Variants in TTC28 observed in about 807,000 individuals in gnomAD.
TTC28 encodes tetratricopeptide repeat protein 28.
In TTC28, 61 loss-of-function variants were observed where a neutral mutation model predicts 198.0. The observed-to-expected ratio is 0.31, with a 90% CI of 0.25 to 0.38. The LOEUF (loss-of-function observed/expected upper bound fraction) is 0.38, where lower values mean the gene tolerates loss of function less well. Among genes scored for constraint, TTC28 ranks in the 10% least tolerant of loss-of-function variants. The probability of loss-of-function intolerance (pLI) is 1.00; values close to 1 mark genes in which losing one functional copy is unlikely to be tolerated. For synonymous variants in TTC28, 1,171 were observed against 1,297.8 expected (o/e 0.90, Z 2.10); for missense variants, 2,678 against 3,164.0 (o/e 0.85, Z 3.69).
At chr22:28,280,291 C>A (rs981190391) in intron 5 of TTC28, among the ~76,000 whole-genome samples, 1 of 151,418 alleles carries the variant, frequency 6.6e-6, no homozygotes, top group Non-Finnish European at 1.5e-5. Context: ...ATTAGCCATA[C>A]GCATTTTTAA....
chr22:28,439,719 C>T (rs1050761842), intron 2 of TTC28, among the ~76,000 whole-genome samples: 2 of 152,098 alleles, frequency 1.3e-5, no homozygotes, highest in African/African-American at 4.8e-5. Context: ...AAAATTATAG[C>T]TGTTTATTTG....
chr22:28,291,037 A>G (rs2044779317), intron 5 of TTC28, among the ~76,000 whole-genome samples: 1 of 152,170 alleles, frequency 6.6e-6, no homozygotes, highest in Non-Finnish European at 1.5e-5. Context: ...ATGGAGAGAC[A>G]GACCAGGCAA....
intron 22 of TTC28, among the ~76,000 whole-genome samples, chr22:27,984,150 C>T (rs979326927): frequency 1.3e-5 from 2 of 152,088 alleles, no homozygotes; most frequent in African/African-American, 2.4e-5. Context: ...ACCCTGTATC[C>T]GCCTTCCTCT....
chr22:28,150,191 A>T (rs1235732913), intron 6 of TTC28, among the ~76,000 whole-genome samples: 1 of 152,194 alleles, frequency 6.6e-6, no homozygotes, highest in East Asian at 1.9e-4. Flanking sequence ...CATAAAGTTG[A>T]GGACAGCTAT....
chr22:28,333,028 G>A (rs962520043), intron 2 of TTC28, among the ~76,000 whole-genome samples: 1 of 152,110 alleles, frequency 6.6e-6, no homozygotes, highest in Non-Finnish European at 1.5e-5. Context: ...TGAAATTCAA[G>A]TGCTTACACT....
intron 2 of TTC28, among the ~76,000 whole-genome samples, chr22:28,334,519 T>C (rs1294591331): frequency 6.6e-6 from 1 of 152,196 alleles, no homozygotes; most frequent in African/African-American, 2.4e-5. Context: ...ACCTGTTGTT[T>C]CCTGACTTTT....
At chr22:28,657,246 G>A (rs1031545333) in intron 1 of TTC28, among the ~76,000 whole-genome samples, 5 of 152,162 alleles carry the variant, frequency 3.3e-5, no homozygotes, top group African/African-American at 4.8e-5. Context: ...CACTACATAC[G>A]CCTCAATGCC....
chr22:28,532,948 T>C (rs1426464932), intron 2 of TTC28, among the ~76,000 whole-genome samples: 1 of 152,224 alleles, frequency 6.6e-6, no homozygotes, highest in Non-Finnish European at 1.5e-5. Context: ...ACAGCCAATG[T>C]CATACTGAAT....
chr22:28,677,598 C>G (rs994485617), intron 1 of TTC28, among the ~76,000 whole-genome samples: 2 of 144,602 alleles, frequency 1.4e-5, no homozygotes, highest in Non-Finnish European at 3.0e-5. Flanking sequence ...GAGATCATGC[C>G]ACAGCACTCC....
At chr22:28,312,108 G>C (rs997598700) in intron 2 of TTC28, among the ~76,000 whole-genome samples, 2 of 149,964 alleles carry the variant, frequency 1.3e-5, no homozygotes, top group African/African-American at 4.9e-5. Context: ...AAGATCAAAA[G>C]AGACAAAGAA....
At chr22:28,012,172 T>C (rs1040295431) in intron 14 of TTC28, among the ~76,000 whole-genome samples, 2 of 152,152 alleles carry the variant, frequency 1.3e-5, no homozygotes, top group Non-Finnish European at 2.9e-5. Context: ...GGAGCTAGGT[T>C]TATATTTCTT....
chr22:28,085,938 G>A (rs1449929985), intron 12 of TTC28, among the ~76,000 whole-genome samples: 3 of 151,880 alleles, frequency 2.0e-5, no homozygotes, highest in Admixed American at 6.6e-5. Flanking sequence ...ATGGTAAAGG[G>A]ATCAATTCAA....
chr22:28,602,573 T>C (rs894011383), intron 2 of TTC28, among the ~76,000 whole-genome samples: 2 of 152,178 alleles, frequency 1.3e-5, no homozygotes, highest in Non-Finnish European at 2.9e-5. Context: ...AAAAGAATTA[T>C]AGGACAAACA....
chr22:28,152,181 T>C (rs531946306), intron 6 of TTC28, among the ~76,000 whole-genome samples: 2 of 152,312 alleles, frequency 1.3e-5, no homozygotes, highest in Admixed American at 6.5e-5. Context: ...AAGTAATCAA[T>C]AGACAATAGC....
intron 5 of TTC28, among the ~76,000 whole-genome samples, chr22:28,168,495 C>T (rs1347373930): frequency 2.6e-5 from 4 of 152,234 alleles, no homozygotes; most frequent in Middle Eastern, 3.4e-3. Flanking sequence ...TGGAACAGAA[C>T]AGAGCCCTCA....
At chr22:28,228,020 A>AAATATTATTCAG (rs1448617981) in intron 5 of TTC28, among the ~76,000 whole-genome samples, 1 of 152,190 alleles carries the variant, frequency 6.6e-6, no homozygotes, top group Non-Finnish European at 1.5e-5. Context: ...ACATACAATA[A>AAATATTATTCAG]AATATTATTC....
At chr22:28,391,419 T>C (rs1475779942) in intron 2 of TTC28, among the ~76,000 whole-genome samples, 1 of 152,230 alleles carries the variant, frequency 6.6e-6, no homozygotes, top group Non-Finnish European at 1.5e-5. Flanking sequence ...TTCTCCTGGA[T>C]GATATCCTGC....
chr22:28,350,264 T>A (rs2045972075), intron 2 of TTC28, among the ~76,000 whole-genome samples: 1 of 152,230 alleles, frequency 6.6e-6, no homozygotes, highest in African/African-American at 2.4e-5. Flanking sequence ...TTCCTGTGCA[T>A]CTAACAGATT....
At chr22:28,213,891 TACAGTAA>T (rs1927146661) in intron 5 of TTC28, among the ~76,000 whole-genome samples, 1 of 152,262 alleles carries the variant, frequency 6.6e-6, no homozygotes, top group Middle Eastern at 3.4e-3. Flanking sequence ...AGTACAAGGC[TACAGTAA>T]TCAAAACAGC....
Sources: gnomAD v4.1 joint callset for allele counts (sites outside exome capture counted in the v4.1 genomes callset) on GRCh38, gnomAD v4.1.1 for gene constraint, MANE v1.5 for transcripts, NCBI Gene and HGNC (gene_info 2026-07-23, HGNC 2026-07-21) for gene names.